GPHN: variants seen among roughly 807,000 people sequenced by gnomAD.
GPHN encodes the protein gephyrin.
Under a neutral mutation model 95.5 loss-of-function variants are expected in GPHN, and 17 were observed. The observed-to-expected ratio is 0.18, with a 90% confidence interval of 0.12 to 0.27. The LOEUF (loss-of-function observed/expected upper bound fraction) is 0.27, where lower values mean the gene tolerates loss of function less well. Ranked by LOEUF, GPHN falls within the 10% of genes least tolerant of loss-of-function variation. The pLI is 1.00. For synonymous variants in GPHN, 320 were observed against 322.5 expected, an observed-to-expected ratio of 0.99 and a Z score of 0.08; for missense variants, 660 against 978.1, an observed-to-expected ratio of 0.67 and a Z score of 4.34.
At chr14:67,583,970 A>C in the GPHN span, 1 of 1,613,540 alleles carries the variant, frequency 6.2e-7, no homozygotes, top group Non-Finnish European at 8.5e-7. Flanking sequence ...CATTGGCACT[A>C]TTTCTCTCCA....
At chr14:67,200,202 C>A in the GPHN span, 1 of 1,127,600 alleles carries the variant, frequency 8.9e-7, no homozygotes, top group Non-Finnish European at 1.2e-6. Context: ...CACTGATGCC[C>A]CCCATGGATA....
chr14:67,255,383 T>A, the GPHN span, among the ~76,000 whole-genome samples: 1 of 152,194 alleles, frequency 6.6e-6, no homozygotes, highest in African/African-American at 2.4e-5. Flanking sequence ...CCTGACATAT[T>A]TGAAAGTGTT....
At chr14:67,498,593 G>A in the GPHN span, among the ~76,000 whole-genome samples, 1 of 152,204 alleles carries the variant, frequency 6.6e-6, no homozygotes, top group South Asian at 2.1e-4. Context: ...TGCCAAGAAA[G>A]ACGAAGGAAT....
At chr14:66,941,396 C>G (rs990283498) in intron 8 of GPHN, among the ~76,000 whole-genome samples, 10 of 152,190 alleles carry the variant, frequency 6.6e-5, no homozygotes, top group African/African-American at 2.2e-4. Context: ...GAACTCTATT[C>G]CACAAGGAAT....
the GPHN span, among the ~76,000 whole-genome samples, chr14:67,196,214 T>G: frequency 6.7e-5 from 10 of 148,386 alleles, no homozygotes; most frequent in Non-Finnish European, 1.3e-4. Flanking sequence ...TCTTTTCTTT[T>G]CTTTCTTTCT....
intron 4 of GPHN, among the ~76,000 whole-genome samples, chr14:66,836,709 A>G (rs1453203556): frequency 6.7e-6 from 1 of 150,148 alleles, no homozygotes; most frequent in African/African-American, 2.5e-5. Context: ...CAAAGCACTA[A>G]TATCCAGAAT....
chr14:67,383,172 G>C, the GPHN span: 7 of 853,072 alleles, frequency 8.2e-6, no homozygotes, highest in Non-Finnish European at 1.2e-5. Context: ...ATTTATTGCT[G>C]ATAAGTCACT....
intron 1 of GPHN, 108 bp from the exon 2 acceptor site, chr14:66,680,999 G>GAA (rs10711873): frequency 5.2e-5 from 29 of 557,102 alleles, no homozygotes; most frequent in South Asian, 7.9e-5. Context: ...GGGGAAAAAT[G>GAA]AAAAAAAAAA....
intron 1 of GPHN, among the ~76,000 whole-genome samples, chr14:66,575,321 C>T (rs754635297): frequency 2.0e-5 from 3 of 152,080 alleles, no homozygotes; most frequent in Non-Finnish European, 2.9e-5. Flanking sequence ...TAATGTTTCC[C>T]CTTGTATGTG....
the GPHN span, chr14:67,580,110 G>A: frequency 3.4e-4 from 163 of 486,462 alleles, 1 homozygote; most frequent in Middle Eastern, 1.7e-3. Context: ...TACTTCCCTC[G>A]AGTGGCTGTG....
At chr14:66,871,713 G>A (rs2063441933) in intron 4 of GPHN, among the ~76,000 whole-genome samples, 1 of 151,742 alleles carries the variant, frequency 6.6e-6, no homozygotes, top group Admixed American at 6.6e-5. Context: ...TCATAACTGG[G>A]AGTTGAACAA....
At chr14:67,655,786 G>C in the GPHN span, among the ~76,000 whole-genome samples, 1,549 of 152,326 alleles carry the variant, frequency 0.01, 34 homozygotes, top group African/African-American at 0.036. Flanking sequence ...TTGCCAAAGA[G>C]AGAATGCAGC....
chr14:67,359,613 G>A, the GPHN span: 1 of 1,611,024 alleles, frequency 6.2e-7, no homozygotes, highest in East Asian at 2.2e-5. Context: ...CCGCGCTCCG[G>A]GTTCCTAAAC....
the GPHN span, among the ~76,000 whole-genome samples, chr14:67,349,913 G>A: frequency 1.5e-4 from 23 of 152,098 alleles, no homozygotes; most frequent in African/African-American, 5.1e-4. Context: ...TAGATAATAG[G>A]CATCATGTCA....
chr14:67,140,189 G>A (rs1182118040), intron 17 of GPHN, among the ~76,000 whole-genome samples: 1 of 152,154 alleles, frequency 6.6e-6, no homozygotes, highest in Non-Finnish European at 1.5e-5. Context: ...TTCAAGGCCA[G>A]CCTGGCCAAC....
chr14:66,677,437 G>C (rs1276819311), intron 1 of GPHN, among the ~76,000 whole-genome samples: 4 of 151,996 alleles, frequency 2.6e-5, no homozygotes, highest in African/African-American at 7.2e-5. Context: ...TACACTATAA[G>C]TTTTTGGTAT....
At chr14:66,873,490 C>A (rs1216686045) in intron 4 of GPHN, among the ~76,000 whole-genome samples, 1 of 152,198 alleles carries the variant, frequency 6.6e-6, no homozygotes, top group Non-Finnish European at 1.5e-5. Flanking sequence ...CCACACAGAA[C>A]CCAGCAAGCT....
chr14:67,605,181 G>T, the GPHN span, among the ~76,000 whole-genome samples: 1 of 152,036 alleles, frequency 6.6e-6, no homozygotes, highest in Non-Finnish European at 1.5e-5. Flanking sequence ...TAACTATGCC[G>T]CATGTTCCAA....
chr14:66,594,501 GA>G (rs934988571), intron 1 of GPHN, among the ~76,000 whole-genome samples: 3 of 152,020 alleles, frequency 2.0e-5, no homozygotes, highest in African/African-American at 7.2e-5. Flanking sequence ...GGAAAAGCCA[GA>G]AAAAAATCCA....
Sources: allele counts gnomAD v4.1 joint callset (sites outside exome capture counted in the v4.1 genomes callset), GRCh38; gene constraint gnomAD v4.1.1; transcripts MANE v1.5; gene names NCBI Gene and HGNC (gene_info 2026-07-23, HGNC 2026-07-21).